LARGE1: variants seen among roughly 807,000 people sequenced by gnomAD.
LARGE1 encodes xylosyl- and glucuronyltransferase LARGE1.
Under a neutral mutation model 87.6 loss-of-function variants are expected in LARGE1, and 43 were observed. The observed-to-expected ratio is 0.49, with a 90% confidence interval of 0.38 to 0.63. The LOEUF is 0.63. Ranked by LOEUF, LARGE1 falls within the 30% of genes least tolerant of loss-of-function variation. The probability of loss-of-function intolerance (pLI) is 0.00; values close to 1 mark genes in which losing one functional copy is unlikely to be tolerated. For missense variants in LARGE1, 802 were observed against 1,000.2 expected (o/e 0.80, Z 2.67); for synonymous variants, 434 against 394.6 (o/e 1.10, Z -1.18).
At chr22:33,852,145 C>T (rs535447081) in intron 1 of LARGE1, among the ~76,000 whole-genome samples, 1 of 152,288 alleles carries the variant, frequency 6.6e-6, no homozygotes, top group South Asian at 2.1e-4. Context: ...TTCTCGACAA[C>T]TTGTTCCACA....
At chr22:33,181,509 T>C (rs987076757) in intron 11 of LARGE1, among the ~76,000 whole-genome samples, 4 of 151,568 alleles carry the variant, frequency 2.6e-5, no homozygotes, top group African/African-American at 9.7e-5. Flanking sequence ...GTGAGCACAT[T>C]GTTAGGCTAT....
intron 12 of LARGE1, among the ~76,000 whole-genome samples, chr22:33,290,524 A>G (rs1932342213): frequency 6.6e-6 from 1 of 152,238 alleles, no homozygotes; most frequent in Non-Finnish European, 1.5e-5. Flanking sequence ...TTGAAGAACC[A>G]CAAAGAGACT....
In LARGE1 at chr22:33,419,673, T is replaced by TC. The variant is rs544024812; in HGVS notation, c.892+12487_892+12488insG. On this transcript the variant is annotated intron_variant, in intron 7 of 14. Coordinates refer to ENST00000397394, the MANE Select transcript of LARGE1 (RefSeq NM_133642.5). ...TTGTGGCCAGATGAATCTTTGTTTT[T>TC]GTTGTTGTTGTTGTTGTTTTTTGTT... Among the ~76,000 whole-genome samples, 8 of 112,572 alleles carry TC rather than the reference T, an allele frequency of 7.1e-5. No individual in the cohort carries two copies. The South Asian group carries it at 2.1e-3, about 30-fold the overall frequency. The allele number at this position is 112,572 out of a possible 152,430, so 73.9% of individuals were successfully genotyped here. A position where few individuals can be genotyped will look rare whatever the true frequency, so the allele number is the denominator to read the frequency against.
intron 11 of LARGE1, among the ~76,000 whole-genome samples, chr22:33,181,387 T>C (rs1923152674): frequency 6.6e-6 from 1 of 152,116 alleles, no homozygotes; most frequent in Non-Finnish European, 1.5e-5. Context: ...GAGCATAATA[T>C]CTCCATTTTA....
intron 6 of LARGE1, among the ~76,000 whole-genome samples, chr22:33,556,560 GAGGGAGGCAGGCAGGCAGGCAGGC>G (rs2077691540): frequency 3.9e-5 from 3 of 76,852 alleles, no homozygotes; most frequent in Non-Finnish European, 7.5e-5. Flanking sequence ...GGGAGGGAGG[GAGGGAGGCAGGCAGGCAGGCAGGC>G]AGGAAGGCAG....
intron 6 of LARGE1, among the ~76,000 whole-genome samples, chr22:33,540,257 A>C (rs1276627125): frequency 1.3e-5 from 2 of 152,160 alleles, no homozygotes; most frequent in African/African-American, 4.8e-5. Context: ...GTGAACCTCC[A>C]TTCTGTGACT....
At chr22:33,481,013 T>C (rs181890828) in intron 6 of LARGE1, among the ~76,000 whole-genome samples, 60 of 152,170 alleles carry the variant, frequency 3.9e-4, no homozygotes, top group Middle Eastern at 3.4e-3. Flanking sequence ...AATTTCCTCA[T>C]CATAAATAAT....
the LARGE1 span, among the ~76,000 whole-genome samples, chr22:33,156,958 A>T: frequency 6.6e-6 from 1 of 152,160 alleles, no homozygotes; most frequent in Non-Finnish European, 1.5e-5. Flanking sequence ...GTCTCCCTGC[A>T]CGAGCACCCT....
chr22:33,883,360 C>T (rs528680413), intron 1 of LARGE1, among the ~76,000 whole-genome samples: 1 of 152,178 alleles, frequency 6.6e-6, no homozygotes, highest in African/African-American at 2.4e-5. Flanking sequence ...ATGTAAGCAG[C>T]AGAGACTCAG....
At chr22:33,447,295 T>G (rs1279009328) in intron 6 of LARGE1, among the ~76,000 whole-genome samples, 2 of 152,310 alleles carry the variant, frequency 1.3e-5, no homozygotes, top group Middle Eastern at 3.4e-3. Flanking sequence ...CATTCTTTCT[T>G]TTAGAGATAT....
In LARGE1 at chr22:33,384,122, T is replaced by G. The variant is rs748999047; in HGVS notation, c.1005+70A>C. The G allele has an allele frequency of 3.5e-5, 38 of 1,077,846 alleles. No individual in the cohort carries two copies. The Admixed American group carries it at 6.4e-4, about 18-fold the overall frequency. The allele number at this position is 1,077,846 out of a possible 1,614,324, so 66.8% of individuals were successfully genotyped here. A position where few individuals can be genotyped will look rare whatever the true frequency, so the allele number is the denominator to read the frequency against. The stretch of plus-strand genomic sequence containing the variant: ...AGAAAACCATTCAGATCGATTTAAT[T>G]TTAAGTTTCTTTGAGAAACAGCACC... On this transcript the variant is annotated intron_variant, in intron 8 of 14. Coordinates refer to ENST00000397394, the MANE Select transcript of LARGE1 (RefSeq NM_133642.5).
At chr22:33,480,408 G>A (rs978000683) in intron 6 of LARGE1, among the ~76,000 whole-genome samples, 5 of 12,412 alleles carry the variant, frequency 4.0e-4, no homozygotes, top group Non-Finnish European at 5.5e-4. Flanking sequence ...AGAACAAGAA[G>A]TCAAGCGGGT....
intron 1 of LARGE1, among the ~76,000 whole-genome samples, chr22:33,855,748 T>C (rs535687777): frequency 6.6e-5 from 10 of 152,302 alleles, no homozygotes; most frequent in African/African-American, 2.4e-4. Flanking sequence ...GGTTCCTTAC[T>C]TTTTCATCAT....
chr22:33,918,180 C>A (rs533937221), intron 1 of LARGE1, among the ~76,000 whole-genome samples: 2 of 152,290 alleles, frequency 1.3e-5, no homozygotes, highest in Admixed American at 6.5e-5. Flanking sequence ...TTCTAAGGCC[C>A]TTCCAGGTAT....
intron 2 of LARGE1, among the ~76,000 whole-genome samples, chr22:33,678,020 T>C (rs1289325988): frequency 1.3e-5 from 2 of 152,060 alleles, no homozygotes; most frequent in Admixed American, 1.3e-4. Flanking sequence ...ATCTACAATA[T>C]GAGAAAACCA....
chr22:33,294,611 T>C (rs1932979658), intron 12 of LARGE1, among the ~76,000 whole-genome samples: 1 of 152,174 alleles, frequency 6.6e-6, no homozygotes, highest in Admixed American at 6.5e-5. Flanking sequence ...CCTTGATGTG[T>C]CTCCTTTCAT....
intron 11 of LARGE1, among the ~76,000 whole-genome samples, chr22:33,241,796 A>G (rs1926536062): frequency 6.6e-6 from 1 of 152,080 alleles, no homozygotes; most frequent in Non-Finnish European, 1.5e-5. Flanking sequence ...ACAAAATCTA[A>G]ACAAGTTGAA....
intron 1 of LARGE1, among the ~76,000 whole-genome samples, chr22:33,841,198 C>T (rs1213849353): frequency 1.3e-5 from 2 of 152,180 alleles, no homozygotes; most frequent in African/African-American, 2.4e-5. Context: ...GCAATCTATG[C>T]TAAGCCAAGG....
chr22:33,283,540 C>A (rs1001720666), intron 12 of LARGE1, among the ~76,000 whole-genome samples, 192 bp from the exon 13 acceptor site: 1 of 152,044 alleles, frequency 6.6e-6, no homozygotes, highest in African/African-American at 2.4e-5. Flanking sequence ...TTTGAGAGGC[C>A]GAGGCAGGAG....
Sources: gnomAD v4.1 joint callset for allele counts (sites outside exome capture counted in the v4.1 genomes callset) on GRCh38, gnomAD v4.1.1 for gene constraint, MANE v1.5 for transcripts, NCBI Gene and HGNC (gene_info 2026-07-23, HGNC 2026-07-21) for gene names.